MGMT: variants seen among roughly 807,000 people sequenced by gnomAD.
The protein encoded by MGMT is methylated-DNA--protein-cysteine methyltransferase.
A neutral mutation model predicts 15.9 loss-of-function variants in MGMT; 14 were observed. The ratio of observed to expected loss-of-function variants is 0.88; its 90% CI spans 0.58 to 1.37. The LOEUF (loss-of-function observed/expected upper bound fraction) is 1.37. Among genes scored for constraint, MGMT ranks in the 40% most tolerant of loss-of-function variants. The pLI, the probability that MGMT is intolerant of heterozygous loss-of-function variation, is 0.00. For missense variants in MGMT, 282 were observed against 268.1 expected (o/e 1.05, Z -0.36); for synonymous variants, 130 against 118.2 (o/e 1.10, Z -0.65).
chr10:129,527,595 C>G (rs1426004566), intron 1 of MGMT, among the ~76,000 whole-genome samples: 1 of 148,552 alleles, frequency 6.7e-6, no homozygotes, highest in African/African-American at 2.5e-5. Flanking sequence ...TTTCTTTTCT[C>G]CTGTTCACAG....
intron 2 of MGMT, among the ~76,000 whole-genome samples, chr10:129,692,938 G>C (rs1204399474): frequency 6.6e-6 from 1 of 152,250 alleles, no homozygotes; most frequent in Non-Finnish European, 1.5e-5. Context: ...CAGCACCACG[G>C]TAAGTTCTGT....
chr10:129,543,173 G>A (rs1217277073), intron 2 of MGMT, among the ~76,000 whole-genome samples: 2 of 152,212 alleles, frequency 1.3e-5, no homozygotes, highest in Non-Finnish European at 2.9e-5. Flanking sequence ...GCCTGCAGAG[G>A]TGTTAGCGTA....
In MGMT at chr10:129,543,847, G is replaced by T. The variant is rs11016835; in HGVS notation, c.125+7470G>T. Among the ~76,000 whole-genome samples the T allele has an allele frequency of 3.0e-4, 46 of 152,322 alleles. 1 individual carries two copies. In the East Asian group the frequency reaches 8.7e-3, roughly 29 times the overall value. ...TCTGCCAGGAACTTCTTGGAAGGAA[G>T]AAAAGAATGGTTGAATGACAGCTAC... On this transcript the variant is annotated intron_variant, in intron 2 of 4. Coordinates refer to ENST00000651593, the MANE Select transcript of MGMT (RefSeq NM_002412.5).
intron 2 of MGMT, among the ~76,000 whole-genome samples, chr10:129,630,186 T>C (rs1331128864): frequency 6.6e-6 from 1 of 152,096 alleles, no homozygotes; most frequent in Non-Finnish European, 1.5e-5. Context: ...TCTCTCAACA[T>C]CTCCCCCTTA....
intron 2 of MGMT, among the ~76,000 whole-genome samples, chr10:129,665,847 G>A (rs778516634): frequency 3.9e-5 from 6 of 152,288 alleles, no homozygotes; most frequent in South Asian, 4.2e-4. Flanking sequence ...TGAATACAAC[G>A]TGTGCCTGTA....
At chr10:129,636,802 C>A (rs1007148340) in intron 2 of MGMT, among the ~76,000 whole-genome samples, 1 of 152,098 alleles carries the variant, frequency 6.6e-6, no homozygotes, top group Non-Finnish European at 1.5e-5. Context: ...ATTATATAAT[C>A]TTTTGAGTCA....
In MGMT at chr10:129,533,043, C is replaced by T. The variant is rs545051379; in HGVS notation, c.-12-3198C>T. On this transcript the variant is annotated intron_variant, in intron 1 of 4. Coordinates refer to ENST00000651593, the MANE Select transcript of MGMT (RefSeq NM_002412.5). This position sits in a 1 kb window ranked among gnomAD's most constrained non-coding sequence, Gnocchi z 4.5. ...GGACTCGAATCGGGAGCAGGTCCCA[C>T]GGAGGCAGAGCAGCCGAGAATCAAC... Among the ~76,000 whole-genome samples, 4 of 152,338 alleles carry T rather than the reference C, an allele frequency of 2.6e-5. No homozygotes were observed. The highest frequency in any genetic ancestry group is 2.1e-4 in the South Asian group (1 of 4,824).
intron 2 of MGMT, among the ~76,000 whole-genome samples, chr10:129,565,532 A>C (rs1314116288): frequency 6.6e-6 from 1 of 152,200 alleles, no homozygotes; most frequent in Non-Finnish European, 1.5e-5. Flanking sequence ...AAATGAATGT[A>C]AAATATTGAC....
intron 1 of MGMT, among the ~76,000 whole-genome samples, chr10:129,478,695 C>T (rs978086139): frequency 6.6e-6 from 1 of 152,194 alleles, no homozygotes; most frequent in African/African-American, 2.4e-5. Context: ...TGTGGCCTTG[C>T]AGTGCAGGCT....
At chr10:129,647,103 C>T (rs180989941) in intron 2 of MGMT, among the ~76,000 whole-genome samples, 11 of 152,234 alleles carry the variant, frequency 7.2e-5, no homozygotes, top group Admixed American at 3.3e-4. Context: ...TCCTCAGCCC[C>T]GGTAGCCCCC....
intron 3 of MGMT, 43 bp from the exon 4 acceptor site, chr10:129,759,159 A>G (rs372870546): frequency 1.4e-5 from 22 of 1,610,746 alleles, no homozygotes; most frequent in Non-Finnish European, 1.8e-5. Flanking sequence ...GAGCTGCTGA[A>G]GCCGTTTGTC....
intron 2 of MGMT, among the ~76,000 whole-genome samples, chr10:129,640,532 A>G (rs903283289): frequency 2.0e-5 from 3 of 152,236 alleles, no homozygotes. Flanking sequence ...TCATTGGGGA[A>G]TTCTACAAAA....
At chr10:129,512,347 A>G (rs1229416683) in intron 1 of MGMT, among the ~76,000 whole-genome samples, 7 of 152,054 alleles carry the variant, frequency 4.6e-5, no homozygotes, top group Non-Finnish European at 2.9e-5. Context: ...TGCTATGCTC[A>G]TTTTGTTTAT....
At chr10:129,468,169 G>C (rs1307102040) in intron 1 of MGMT, among the ~76,000 whole-genome samples, 4 of 152,152 alleles carry the variant, frequency 2.6e-5, no homozygotes, top group Non-Finnish European at 5.9e-5. Flanking sequence ...GTTAAGTCAG[G>C]CTCTCCCGTC....
At chr10:129,491,838 A>C (rs979205149) in intron 1 of MGMT, among the ~76,000 whole-genome samples, 2 of 151,706 alleles carry the variant, frequency 1.3e-5, no homozygotes, top group Non-Finnish European at 2.9e-5. Flanking sequence ...TTTCCCACTT[A>C]TGTTGTCTGT....
At chr10:129,674,598 T>C (rs1424210855) in intron 2 of MGMT, among the ~76,000 whole-genome samples, 2 of 152,262 alleles carry the variant, frequency 1.3e-5, no homozygotes, top group Non-Finnish European at 2.9e-5. Flanking sequence ...CCAAGTGCAG[T>C]CCTGGAAGGT....
At chr10:129,718,471 C>T (rs1234731448) in intron 3 of MGMT, among the ~76,000 whole-genome samples, 3 of 150,828 alleles carry the variant, frequency 2.0e-5, no homozygotes, top group Non-Finnish European at 3.0e-5. Context: ...CCCTCCATTT[C>T]GAAGGGCAAT....
intron 2 of MGMT, among the ~76,000 whole-genome samples, chr10:129,657,709 A>ACACG (rs1847545114): frequency 6.9e-6 from 1 of 145,056 alleles, no homozygotes; most frequent in Non-Finnish European, 1.5e-5. Context: ...ACACACACGC[A>ACACG]CACACACACA....
chr10:129,616,347 G>A (rs865848401), intron 2 of MGMT, among the ~76,000 whole-genome samples: 1 of 152,226 alleles, frequency 6.6e-6, no homozygotes, highest in Admixed American at 6.5e-5. Flanking sequence ...GCCAGTGCTG[G>A]TCGCCTCCAG....
Sources: gnomAD v4.1 joint callset for allele counts (sites outside exome capture counted in the v4.1 genomes callset) on GRCh38, gnomAD v4.1.1 for gene constraint, Gnocchi (gnomAD v3.1) non-coding constraint, MANE v1.5 for transcripts, NCBI Gene and HGNC (gene_info 2026-07-23, HGNC 2026-07-21) for gene names.